LRRC74A: variants seen among roughly 807,000 people sequenced by gnomAD.
The protein encoded by LRRC74A is leucine rich repeat containing 74A, also known as leucine-rich repeat-containing protein 74A.
In LRRC74A, 44 loss-of-function variants were observed where a neutral mutation model predicts 57.9. The ratio of observed to expected loss-of-function variants is 0.76; its 90% CI spans 0.60 to 0.98. The LOEUF (loss-of-function observed/expected upper bound fraction) is 0.98, where lower values mean the gene tolerates loss of function less well. LRRC74A is among the 50% of genes least tolerant of loss of function. LRRC74A has a pLI of 0.00. For synonymous variants in LRRC74A, 211 were observed against 219.4 expected, an observed-to-expected ratio of 0.96 and a Z score of 0.34; for missense variants, 572 against 574.0, an observed-to-expected ratio of 1.00 and a Z score of 0.04.
At chr14:76,868,775 G>A (rs1899165514) in intron 13 of LRRC74A, among the ~76,000 whole-genome samples, 1 of 152,208 alleles carries the variant, frequency 6.6e-6, no homozygotes, top group Non-Finnish European at 1.5e-5. Context: ...CGTCGTCCAC[G>A]TGGAGAAACC....
intron 5 of LRRC74A, among the ~76,000 whole-genome samples, chr14:76,839,773 CTTTA>C (rs945048899): frequency 2.0e-5 from 3 of 152,156 alleles, no homozygotes; most frequent in African/African-American, 7.2e-5. Flanking sequence ...TTAGATACGG[CTTTA>C]TTTATGGTAC....
intron 5 of LRRC74A, among the ~76,000 whole-genome samples, chr14:76,841,638 A>T (rs990286514): frequency 6.6e-6 from 1 of 152,102 alleles, no homozygotes; most frequent in Non-Finnish European, 1.5e-5. Context: ...TGACATTCAC[A>T]ATATTGAGTC....
intron 11 of LRRC74A, among the ~76,000 whole-genome samples, chr14:76,865,331 G>C (rs996764939): frequency 6.6e-6 from 1 of 152,142 alleles, no homozygotes; most frequent in Non-Finnish European, 1.5e-5. Context: ...TTTCATATTG[G>C]TGGATTTTGG....
intron 13 of LRRC74A, among the ~76,000 whole-genome samples, 199 bp from the exon 14 acceptor site, chr14:76,869,926 A>C (rs968670925): frequency 6.6e-6 from 1 of 151,990 alleles, no homozygotes; most frequent in African/African-American, 2.4e-5. Flanking sequence ...CCACATACTT[A>C]TAAGTGTGTG....
intron 5 of LRRC74A, among the ~76,000 whole-genome samples, chr14:76,839,189 T>TA (rs202187435): frequency 0.014 from 2,058 of 152,332 alleles, 62 homozygotes; most frequent in African/African-American, 0.046. Flanking sequence ...GTTCTTGTAT[T>TA]TCTAGATCGA....
intron 2 of LRRC74A, chr14:76,828,771 C>T (rs868479537): frequency 2.3e-6 from 1 of 440,196 alleles, no homozygotes; most frequent in Middle Eastern, 4.1e-4. Context: ...GCATCTTTGC[C>T]AGTTTTCAAC....
At chr14:76,845,273 A>G (rs919511630) in intron 7 of LRRC74A, among the ~76,000 whole-genome samples, 1 of 151,306 alleles carries the variant, frequency 6.6e-6, no homozygotes, top group Non-Finnish European at 1.5e-5. Flanking sequence ...GCAGTGAGCC[A>G]TGATTGTGCC....
chr14:76,835,618 C>T (rs996156299), intron 3 of LRRC74A, among the ~76,000 whole-genome samples: 10 of 152,100 alleles, frequency 6.6e-5, no homozygotes, highest in Non-Finnish European at 1.2e-4. Context: ...GGTGTGGTGG[C>T]TCATGCCTGT....
intron 3 of LRRC74A, among the ~76,000 whole-genome samples, chr14:76,834,081 A>G (rs1896154861): frequency 6.6e-6 from 1 of 152,170 alleles, no homozygotes; most frequent in Non-Finnish European, 1.5e-5. Context: ...ATTTTTCCTC[A>G]CTTTCCCCAA....
At chr14:76,864,674 T>G (rs1217715953) in intron 11 of LRRC74A, among the ~76,000 whole-genome samples, 2 of 152,132 alleles carry the variant, frequency 1.3e-5, no homozygotes, top group Middle Eastern at 3.4e-3. Context: ...ACCAACATGG[T>G]GAAACCCCAT....
At chr14:76,829,239 G>A in intron 2 of LRRC74A, 2 of 1,259,872 alleles carry the variant, frequency 1.6e-6, no homozygotes, top group Non-Finnish European at 2.1e-6. Flanking sequence ...TGGCTGGTGG[G>A]CAGTGATTCA....
chr14:76,831,373 G>A lies in LRRC74A; in HGVS notation c.337G>A (p.Val113Met). The change falls in exon 3 of 14, where the codon GTG (valine) becomes ATG (methionine). Residue 113 changes from valine to methionine, a missense_variant and splice_region_variant. Val to Met is a conservative substitution (Grantham distance 21, BLOSUM62 1). Transcript: ENST00000689127. The part of the protein sequence containing the change: ...RGTKAIAIAL[V>M]SNMAVTKLEL... Reference sequence around the variant, plus strand: ...TACCAAGGCTATTGCTATAGCCCTGGTGGTGAGCATGCTAGTGGGAGCTCA... The same window carrying A: ...TACCAAGGCTATTGCTATAGCCCTGATGGTGAGCATGCTAGTGGGAGCTCA... 1 of 1,612,996 alleles carries A rather than the reference G, an allele frequency of 6.2e-7. No homozygotes were observed. Among genetic ancestry groups the A allele is most frequent in the Non-Finnish European group, 8.5e-7 (1 of 1,179,774 alleles).
At chr14:76,852,721 C>T (rs935893975) in intron 8 of LRRC74A, among the ~76,000 whole-genome samples, 1 of 149,958 alleles carries the variant, frequency 6.7e-6, no homozygotes, top group South Asian at 2.1e-4. Flanking sequence ...CTGGTTCAAG[C>T]GATTCTCCTG....
At chr14:76,863,871 T>G (rs1163194811) in intron 11 of LRRC74A, among the ~76,000 whole-genome samples, 1 of 152,212 alleles carries the variant, frequency 6.6e-6, no homozygotes, top group African/African-American at 2.4e-5. Flanking sequence ...AGAAGCTGCA[T>G]GATTGCGGAA....
chr14:76,841,135 G>T (rs1447003899), intron 5 of LRRC74A, among the ~76,000 whole-genome samples: 2 of 152,102 alleles, frequency 1.3e-5, no homozygotes, highest in Non-Finnish European at 2.9e-5. Flanking sequence ...TCTGCCTCCT[G>T]GGCTCAAGTG....
In LRRC74A at chr14:76,828,286, T is replaced by C; in HGVS notation, c.38-5T>C. The C allele has an allele frequency of 2.5e-6, 4 of 1,588,380 alleles. No individual in the cohort carries two copies. Among genetic ancestry groups the C allele is most frequent in the Non-Finnish European group, 3.4e-6 (4 of 1,162,414 alleles). On this transcript the variant is annotated splice_region_variant and splice_polypyrimidine_tract_variant and intron_variant, in intron 1 of 13. Transcript: ENST00000689127. ...GGCATCAAGGAGATGAGTTTTTTCTTCCAGATGAGATTGAAATTGAGCCAG... is the reference window on the plus strand; with the variant it reads ...GGCATCAAGGAGATGAGTTTTTTCTCCCAGATGAGATTGAAATTGAGCCAG...
In LRRC74A at chr14:76,844,899, T is replaced by C. The variant is rs756786950; in HGVS notation, c.674T>C (p.Leu225Pro). The part of the protein sequence containing the change: ...DVGGEHLGQM[L>P]AINVGLTSLD... ...GGAGGGGAGCACCTGGGCCAGATGC[T>C]GGGTGAGTCTCCCTGGAGGAAGGGA... Residue 225 changes from leucine to proline, a missense_variant and splice_region_variant, in exon 7 of 14, where the codon CTG becomes CCG. Leu to Pro is a moderately conservative substitution (Grantham distance 98, BLOSUM62 -3). Transcript: ENST00000689127. 2 of 1,539,386 alleles carry C rather than the reference T, an allele frequency of 1.3e-6. No individual in the cohort carries two copies.
chr14:76,853,520 A>G, intron 9 of LRRC74A, 110 bp downstream of exon 9: 1 of 1,027,864 alleles, frequency 9.7e-7, no homozygotes, highest in Non-Finnish European at 1.4e-6. Flanking sequence ...ATAATTGGGA[A>G]TATCTGTACT....
intron 5 of LRRC74A, among the ~76,000 whole-genome samples, chr14:76,839,920 G>A (rs564921936): frequency 2.0e-5 from 3 of 151,324 alleles, no homozygotes; most frequent in South Asian, 2.1e-4. Context: ...TAGTAGACAC[G>A]GGGTTTCACC....
Sources: gnomAD v4.1 joint callset for allele counts (sites outside exome capture counted in the v4.1 genomes callset) on GRCh38, gnomAD v4.1.1 for gene constraint, MANE v1.5 for transcripts, NCBI Gene and HGNC (gene_info 2026-07-23, HGNC 2026-07-21) for gene names.